PDE1C: variants seen among roughly 807,000 people sequenced by gnomAD.
PDE1C encodes dual specificity calcium/calmodulin-dependent 3',5'-cyclic nucleotide phosphodiesterase 1C.
A neutral mutation model predicts 93.1 loss-of-function variants in PDE1C; 62 were observed. That is an observed-to-expected ratio of 0.67 (90% CI 0.54 to 0.82). The LOEUF (loss-of-function observed/expected upper bound fraction) is 0.82, where lower values mean the gene tolerates loss of function less well. PDE1C is among the 40% of genes least tolerant of loss of function. PDE1C has a pLI of 0.00. For synonymous variants in PDE1C, 325 were observed against 310.1 expected (o/e 1.05, Z -0.50); for missense variants, 742 against 884.6 (o/e 0.84, Z 2.04).
chr7:32,087,273 G>C (rs1177452638), intron 3 of PDE1C, among the ~76,000 whole-genome samples: 1 of 151,124 alleles, frequency 6.6e-6, no homozygotes, highest in Admixed American at 6.6e-5. Context: ...CTGGCCATCA[G>C]AGAAATGCAA....
intron 1 of PDE1C, among the ~76,000 whole-genome samples, chr7:32,269,557 G>A (rs1810830214): frequency 6.6e-6 from 1 of 152,100 alleles, no homozygotes; most frequent in Admixed American, 6.5e-5. Context: ...TCGGCTCACT[G>A]CAACCTCTGC....
At chr7:31,730,608 C>T in the PDE1C span, among the ~76,000 whole-genome samples, 9 of 152,232 alleles carry the variant, frequency 5.9e-5, no homozygotes, top group South Asian at 2.1e-4. Flanking sequence ...TTTATTTTTC[C>T]GGTTGGAAAG....
At chr7:32,020,329 T>C (rs1788473695) in intron 2 of PDE1C, among the ~76,000 whole-genome samples, 2 of 152,064 alleles carry the variant, frequency 1.3e-5, no homozygotes, top group South Asian at 4.1e-4. Context: ...CCTAAAAAAC[T>C]CTGGTTGGTC....
intron 1 of PDE1C, among the ~76,000 whole-genome samples, chr7:32,293,486 A>G (rs1562656444): frequency 2.0e-5 from 3 of 152,192 alleles, no homozygotes; most frequent in African/African-American, 2.4e-5. Flanking sequence ...CCCTAATAAC[A>G]GCATTTGGAG....
intron 2 of PDE1C, among the ~76,000 whole-genome samples, chr7:32,199,582 GT>G (rs767283318): frequency 1.4e-4 from 21 of 152,066 alleles, no homozygotes; most frequent in Non-Finnish European, 2.2e-4. Flanking sequence ...CTGTGTTTGG[GT>G]TTTGTTTTGT....
chr7:32,237,817 C>A (rs1362353872), intron 1 of PDE1C, among the ~76,000 whole-genome samples: 1 of 131,148 alleles, frequency 7.6e-6, no homozygotes, highest in Non-Finnish European at 1.5e-5. Flanking sequence ...GTTGCCCAGG[C>A]TGTAGTGCAA....
chr7:31,655,709 C>T, the PDE1C span: 32 of 985,412 alleles, frequency 3.2e-5, no homozygotes, highest in Non-Finnish European at 3.7e-5. Context: ...GCCAAATTGA[C>T]TCCTGATGCA....
At chr7:31,982,334 AT>A (rs1424181573) in intron 2 of PDE1C, among the ~76,000 whole-genome samples, 8 of 152,224 alleles carry the variant, frequency 5.3e-5, no homozygotes, top group Admixed American at 3.9e-4. Flanking sequence ...TCCATGTGAT[AT>A]TCATCCAGTT....
At chr7:31,731,601 G>C in the PDE1C span, among the ~76,000 whole-genome samples, 1 of 152,128 alleles carries the variant, frequency 6.6e-6, no homozygotes, top group African/African-American at 2.4e-5. Flanking sequence ...TGTTGGTCAG[G>C]CTGGTCTCGA....
At chr7:32,280,968 G>A (rs1317122849) in intron 1 of PDE1C, among the ~76,000 whole-genome samples, 2 of 152,148 alleles carry the variant, frequency 1.3e-5, no homozygotes, top group Non-Finnish European at 2.9e-5. Flanking sequence ...CTGGGCAACA[G>A]AGTGAGACTT....
At chr7:31,812,841 C>T (rs555224645) in intron 15 of PDE1C, among the ~76,000 whole-genome samples, 13 of 152,184 alleles carry the variant, frequency 8.5e-5, no homozygotes, top group Admixed American at 6.5e-4. Context: ...CCTGAAGGCA[C>T]CAAACCACAG....
At chr7:32,337,534 A>AT (rs1374961486) in intron 1 of PDE1C, among the ~76,000 whole-genome samples, 2 of 152,218 alleles carry the variant, frequency 1.3e-5, no homozygotes, top group East Asian at 3.9e-4. Context: ...AAGTTGGCAG[A>AT]TTTTGATGGG....
chr7:31,621,614 C>T, the PDE1C span, among the ~76,000 whole-genome samples: 4 of 148,504 alleles, frequency 2.7e-5, no homozygotes, highest in African/African-American at 1.0e-4. Flanking sequence ...AAGCACTAAA[C>T]ATGGAAAGGA....
intron 1 of PDE1C, among the ~76,000 whole-genome samples, chr7:32,424,614 C>T (rs965139887): frequency 1.3e-5 from 2 of 152,100 alleles, no homozygotes; most frequent in Non-Finnish European, 2.9e-5. Context: ...GAGCCCAGGC[C>T]TGACAACATG....
intron 2 of PDE1C, among the ~76,000 whole-genome samples, chr7:31,971,529 A>G (rs1324438332): frequency 6.6e-6 from 1 of 152,208 alleles, no homozygotes; most frequent in African/African-American, 2.4e-5. Context: ...AGAATCCAAC[A>G]GATGACAGCC....
At chr7:32,088,175 T>C (rs1327240320) in intron 3 of PDE1C, among the ~76,000 whole-genome samples, 3 of 151,810 alleles carry the variant, frequency 2.0e-5, no homozygotes, top group African/African-American at 7.3e-5. Context: ...AAATGCATCA[T>C]CATAAATCAC....
intron 2 of PDE1C, among the ~76,000 whole-genome samples, chr7:32,035,315 G>A (rs1454565149): frequency 2.0e-5 from 3 of 152,190 alleles, no homozygotes; most frequent in African/African-American, 7.2e-5. Context: ...AACATTCCGA[G>A]CCTGTGATAA....
At chr7:32,377,342 AC>A (rs1471034042) in intron 1 of PDE1C, among the ~76,000 whole-genome samples, 1 of 152,166 alleles carries the variant, frequency 6.6e-6, no homozygotes, top group Non-Finnish European at 1.5e-5. Context: ...CTTTGTTCAT[AC>A]CACTATTATA....
chr7:31,823,021 G>T (rs977729698), intron 14 of PDE1C, 52 bp downstream of exon 14: 23 of 1,455,142 alleles, frequency 1.6e-5, no homozygotes, highest in Non-Finnish European at 2.0e-5. Context: ...AACTCAGAGA[G>T]GACAACCTTG....
Sources: gnomAD v4.1 joint callset for allele counts (sites outside exome capture counted in the v4.1 genomes callset) on GRCh38, gnomAD v4.1.1 for gene constraint, MANE v1.5 for transcripts, NCBI Gene and HGNC (gene_info 2026-07-23, HGNC 2026-07-21) for gene names.